CLSTN2: variants seen among roughly 807,000 people sequenced by gnomAD.
CLSTN2 encodes the protein calsyntenin-2.
CLSTN2 carries 48 observed loss-of-function variants against 101.2 expected under a neutral mutation model. That is an observed-to-expected ratio of 0.47 (90% confidence interval 0.38 to 0.60). The LOEUF (loss-of-function observed/expected upper bound fraction) is 0.60, where lower values mean the gene tolerates loss of function less well. CLSTN2 is among the 20% of genes least tolerant of loss of function. CLSTN2 has a pLI of 0.00. For missense variants in CLSTN2, 1,160 were observed against 1,238.2 expected (o/e 0.94, Z 0.95); for synonymous variants, 481 against 463.6 (o/e 1.04, Z -0.48).
At chr3:140,532,552 G>C in intron 9 of CLSTN2, 66 bp downstream of exon 9, 2 of 1,378,716 alleles carry the variant, frequency 1.5e-6, no homozygotes, top group Non-Finnish European at 1.9e-6. Flanking sequence ...TACTTGTAGA[G>C]AAAAAGGAAA....
chr3:140,488,374 A>G (rs571748480), intron 8 of CLSTN2, among the ~76,000 whole-genome samples: 1 of 152,294 alleles, frequency 6.6e-6, no homozygotes, highest in Admixed American at 6.5e-5. Context: ...TAGGTGAGTC[A>G]CTTCACTTCT....
chr3:140,497,164 G>C (rs916242086), intron 8 of CLSTN2, among the ~76,000 whole-genome samples: 1 of 152,110 alleles, frequency 6.6e-6, no homozygotes, highest in Non-Finnish European at 1.5e-5. Flanking sequence ...GCAGTGTTGG[G>C]GGTAAGCCTT....
chr3:139,979,882 T>C (rs139436080), intron 1 of CLSTN2, among the ~76,000 whole-genome samples: 20 of 152,116 alleles, frequency 1.3e-4, no homozygotes, highest in African/African-American at 4.8e-4. Flanking sequence ...TCGCCTAGTG[T>C]TCCCTATTTC....
At chr3:140,402,650 G>T (rs2088255835) in intron 2 of CLSTN2, among the ~76,000 whole-genome samples, 1 of 152,176 alleles carries the variant, frequency 6.6e-6, no homozygotes, top group Admixed American at 6.5e-5. Context: ...TGCACCGTAG[G>T]TACCTTGCTT....
At chr3:140,203,642 A>G (rs2010746919) in intron 2 of CLSTN2, among the ~76,000 whole-genome samples, 1 of 152,046 alleles carries the variant, frequency 6.6e-6, no homozygotes, top group African/African-American at 2.4e-5. Flanking sequence ...TGAATGGCAA[A>G]TGATATCATT....
chr3:140,048,516 A>G (rs1269348804), intron 1 of CLSTN2, among the ~76,000 whole-genome samples: 2 of 152,222 alleles, frequency 1.3e-5, no homozygotes, highest in Non-Finnish European at 2.9e-5. Context: ...CATTGTCCAC[A>G]TTCTTTATAC....
At chr3:140,416,311 T>C (rs895002220) in intron 4 of CLSTN2, among the ~76,000 whole-genome samples, 3 of 152,108 alleles carry the variant, frequency 2.0e-5, no homozygotes, top group African/African-American at 7.2e-5. Context: ...CTATAGCTAA[T>C]AGTAATGCAT....
At position 140,403,781 on chromosome 3, in the gene CLSTN2, T is replaced by C. The variant is rs1371028275; in HGVS notation, c.385T>C (p.Cys129Arg). 6.2e-7 allele frequency: 1 copy of C among 1,613,962 alleles called. No individual in the cohort carries two copies. Among genetic ancestry groups the C allele is most frequent in the South Asian group, 1.1e-5 (1 of 91,054 alleles). Residue 129 changes from cysteine to arginine, a missense_variant, in exon 3 of 17, where the codon TGT (cysteine) becomes CGT (arginine). By Grantham distance (180) the Cys-to-Arg change is radical (BLOSUM62 -3). Coordinates refer to ENST00000458420, the MANE Select transcript of CLSTN2 (RefSeq NM_022131.3). ...CACATTCATCATCCAGGCCTATGAC[T>C]GTGGTGCTGGGCCCCACGAGACAGC... The part of the protein sequence containing the change: ...EYTFIIQAYD[C>R]GAGPHETAWK...
chr3:139,949,176 A>G (rs751444884), intron 1 of CLSTN2, among the ~76,000 whole-genome samples: 3 of 152,018 alleles, frequency 2.0e-5, no homozygotes, highest in African/African-American at 7.3e-5. Context: ...CAGTGACACT[A>G]CTCAATTGCA....
intron 2 of CLSTN2, among the ~76,000 whole-genome samples, chr3:140,289,469 G>C (rs761499503): frequency 6.6e-6 from 1 of 151,954 alleles, no homozygotes; most frequent in Non-Finnish European, 1.5e-5. Flanking sequence ...CTTTGAAATT[G>C]GTCAAAAACT....
intron 12 of CLSTN2, among the ~76,000 whole-genome samples, chr3:140,559,733 C>T (rs1935871936): frequency 6.6e-6 from 1 of 152,164 alleles, no homozygotes; most frequent in Non-Finnish European, 1.5e-5. Flanking sequence ...AAAGCCACTG[C>T]TAATGATGTG....
At position 140,394,109 on chromosome 3, in the gene CLSTN2, T is replaced by A. The variant is rs534109278; in HGVS notation, c.233-9520T>A. Among the ~76,000 whole-genome samples the A allele has an allele frequency of 2.6e-5, 4 of 152,302 alleles. No homozygotes were observed. In the South Asian group the frequency reaches 8.3e-4, roughly 32 times the overall value. Reference sequence around the variant, plus strand: ...CTTTGTGCTGGCTTGCTCATAAAACTGTCTGACAGTTAAACTAGCTTTTTA... The same window carrying A: ...CTTTGTGCTGGCTTGCTCATAAAACAGTCTGACAGTTAAACTAGCTTTTTA... On this transcript the variant is annotated intron_variant, in intron 2 of 16. Coordinates refer to ENST00000458420, the MANE Select transcript of CLSTN2 (RefSeq NM_022131.3).
At chr3:140,296,925 T>C (rs1419433892) in intron 2 of CLSTN2, among the ~76,000 whole-genome samples, 1 of 152,162 alleles carries the variant, frequency 6.6e-6, no homozygotes, top group Non-Finnish European at 1.5e-5. Context: ...GCAGGAGTGG[T>C]CAGGCCCACC....
At chr3:140,250,181 G>A (rs529287829) in intron 2 of CLSTN2, among the ~76,000 whole-genome samples, 8 of 152,262 alleles carry the variant, frequency 5.3e-5, no homozygotes, top group Middle Eastern at 3.4e-3. Flanking sequence ...AACTTTTTGC[G>A]CAGCAAATGT....
intron 2 of CLSTN2, among the ~76,000 whole-genome samples, chr3:140,315,331 A>T (rs1339367715): frequency 6.6e-6 from 1 of 152,212 alleles, no homozygotes; most frequent in African/African-American, 2.4e-5. Context: ...CGAATCCTGT[A>T]ATTGGGAAAG....
chr3:140,447,056 C>T lies in CLSTN2; in HGVS notation c.788-1463C>T, dbSNP rs534843153. Among the ~76,000 whole-genome samples, 33 of 152,348 alleles carry T rather than the reference C, an allele frequency of 2.2e-4. 1 individual carries two copies. In the South Asian group the frequency reaches 6.8e-3, roughly 32 times the overall value. On this transcript the variant is annotated intron_variant, in intron 5 of 16. Transcript: ENST00000458420. ...GTCTCTTCCAAGATACCGGTATCAC[C>T]ATGGTGGCTCCAGTGGCCCATTGGG...
chr3:140,175,988 T>C lies in CLSTN2; in HGVS notation c.147T>C (p.His49=), dbSNP rs113636701. ...AGCCATGGATCGAGACTTCATATCA[T>C]GGAGTCATAACTGAGAACAATGACA... is the stretch of plus-strand genomic sequence containing the variant. ...KHKPWIETSY[H]GVITENNDTV... The change falls in exon 2 of 17, where the codon CAT becomes CAC. Residue 49 remains histidine, a synonymous_variant. Transcript: ENST00000458420. 9.3e-6 allele frequency: 15 copies of C among 1,613,834 alleles called. No homozygotes were observed. Among genetic ancestry groups the C allele is most frequent in the African/African-American group, 2.7e-5 (2 of 75,042 alleles).
At chr3:140,151,122 C>G (rs998992943) in intron 1 of CLSTN2, among the ~76,000 whole-genome samples, 5 of 152,110 alleles carry the variant, frequency 3.3e-5, no homozygotes, top group Non-Finnish European at 7.4e-5. Context: ...CAGTGCTTAG[C>G]TACTTGGCCT....
chr3:140,470,974 C>A (rs575943028), intron 8 of CLSTN2, among the ~76,000 whole-genome samples: 5 of 152,260 alleles, frequency 3.3e-5, no homozygotes, highest in African/African-American at 9.6e-5. Flanking sequence ...CAGCCCAGCC[C>A]CTCTGCCCCG....
Sources: allele counts gnomAD v4.1 joint callset (sites outside exome capture counted in the v4.1 genomes callset), GRCh38; gene constraint gnomAD v4.1.1; transcripts MANE v1.5; gene names NCBI Gene and HGNC (gene_info 2026-07-23, HGNC 2026-07-21).